ELP2: variants seen among roughly 807,000 people sequenced by gnomAD.
ELP2 encodes the protein elongator complex protein 2.
A neutral mutation model predicts 119.2 loss-of-function variants in ELP2; 90 were observed. The observed-to-expected ratio is 0.75, with a 90% CI of 0.64 to 0.90. The LOEUF is 0.90. ELP2 is among the 40% of genes least tolerant of loss of function. The pLI, the probability that ELP2 is intolerant of heterozygous loss-of-function variation, is 0.00. For missense variants in ELP2, 921 were observed against 967.8 expected (o/e 0.95, Z 0.64); for synonymous variants, 339 against 331.0 (o/e 1.02, Z -0.26).
At position 36,159,701 on chromosome 18, in the gene ELP2, G is replaced by A. The variant is rs146436957; in HGVS notation, c.1535-34G>A. On this transcript the variant is annotated intron_variant, in intron 14 of 21. Transcript: ENST00000358232. ...GACAAGTGAAGGAGATATAAAAATA[G>A]TGACTATATTCTTGATGTGTTTCTT... 7.9e-4 allele frequency: 1,168 copies of A among 1,480,686 alleles called. 10 individuals carry two copies. The African/African-American group carries it at 0.013, about 17-fold the overall frequency. 91.7% of individuals were successfully genotyped at this position (1,480,686 alleles called of 1,614,324 possible).
At chr18:36,140,540 T>G (rs2089984666) in intron 5 of ELP2, among the ~76,000 whole-genome samples, 1 of 151,916 alleles carries the variant, frequency 6.6e-6, no homozygotes, top group Non-Finnish European at 1.5e-5. Context: ...AGAGACAAGG[T>G]TTTGTCATGT....
chr18:36,155,496 G>A (rs960673348), intron 12 of ELP2, among the ~76,000 whole-genome samples: 1 of 152,222 alleles, frequency 6.6e-6, no homozygotes, highest in Non-Finnish European at 1.5e-5. Flanking sequence ...AGGATGCAGA[G>A]CAACTGGAAC....
chr18:36,144,057 T>C (rs2094386491), intron 8 of ELP2, among the ~76,000 whole-genome samples: 1 of 152,144 alleles, frequency 6.6e-6, no homozygotes. Flanking sequence ...GATGTGACAG[T>C]TATAAAGGTA....
At chr18:36,130,959 G>C (rs2089595918) in intron 1 of ELP2, among the ~76,000 whole-genome samples, 1 of 152,046 alleles carries the variant, frequency 6.6e-6, no homozygotes, top group Non-Finnish European at 1.5e-5. Flanking sequence ...CTTGAGTCCA[G>C]GAGTTGGAGA....
At chr18:36,158,444 G>C (rs2090634464) in intron 13 of ELP2, 1 of 182,700 alleles carries the variant, frequency 5.5e-6, no homozygotes, top group Non-Finnish European at 1.2e-5. Context: ...AGCATCATCA[G>C]GGGATGTGCC....
intron 3 of ELP2, chr18:36,137,193 T>A (rs2089857361): frequency 6.6e-6 from 1 of 152,190 alleles, no homozygotes. Flanking sequence ...TGAGGTGAGA[T>A]CTGGCTGTGT....
In ELP2 at chr18:36,129,955, A is replaced by G. The variant is rs775350049; in HGVS notation, c.22A>G (p.Thr8Ala). 1.3e-5 allele frequency: 21 copies of G among 1,613,908 alleles called. No homozygotes were observed. The highest frequency in any genetic ancestry group is 1.7e-5 in the Non-Finnish European group (20 of 1,179,994). Residue 8 changes from threonine (T) to alanine (A), a missense_variant, in exon 1 of 22, where the codon ACT becomes GCT. Physicochemically the swap from Thr to Ala is moderately conservative, Grantham distance 58 (BLOSUM62 0). Transcript: ENST00000358232. ...CGACATGGTGGCACCCGTGCTGGAGACTTCTCACGTGTTTTGCTGCCCAAA... is the reference window on the plus strand; with the variant it reads ...CGACATGGTGGCACCCGTGCTGGAGGCTTCTCACGTGTTTTGCTGCCCAAA... MVAPVLETSHVFCCPNRV... is the reference protein window; with the variant it reads MVAPVLEASHVFCCPNRV...
At chr18:36,169,931 C>A in intron 19 of ELP2, 132 bp from the exon 20 acceptor site, 1 of 1,182,060 alleles carries the variant, frequency 8.5e-7, no homozygotes, top group Non-Finnish European at 1.2e-6. Context: ...GCACACCATA[C>A]ACGAATGTAA....
chr18:36,153,303 A>G (rs1199017544), intron 11 of ELP2, among the ~76,000 whole-genome samples: 1 of 152,132 alleles, frequency 6.6e-6, no homozygotes, highest in East Asian at 1.9e-4. Context: ...GCTTCATACC[A>G]TTGGTGAGCA....
chr18:36,138,690 C>G, intron 4 of ELP2, 105 bp from the exon 5 acceptor site: 1 of 1,020,516 alleles, frequency 9.8e-7, no homozygotes, highest in East Asian at 2.4e-5. Context: ...TGACTTCTCT[C>G]ATCTCCCTTC....
intron 5 of ELP2, chr18:36,139,291 C>T: frequency 1.2e-6 from 1 of 850,096 alleles, no homozygotes; most frequent in Non-Finnish European, 1.8e-6. Flanking sequence ...ACATTTTGCC[C>T]AAGACCACTT....
Position 36,164,490 on chromosome 18 carries a change from C to A in ELP2, c.1777C>A (p.His593Asn). Residue 593 changes from histidine (H) to asparagine (N), a missense_variant, in exon 18 of 22, where the codon CAT becomes AAT. Coordinates refer to ENST00000358232, the MANE Select transcript of ELP2 (RefSeq NM_018255.4). Reference protein sequence around the residue: ...ASACKAAKKEHAAIILWNTTS... With the variant: ...ASACKAAKKENAAIILWNTTS... The stretch of plus-strand genomic sequence containing the variant: ...TGTCCTATAGGCAGCTAAGAAAGAG[C>A]ATGCAGCTATCATTCTTTGGAACAC... The A allele has an allele frequency of 6.2e-7, 1 of 1,613,940 alleles. No individual in the cohort carries two copies.
chr18:36,162,889 T>C (rs1164921946), intron 17 of ELP2, among the ~76,000 whole-genome samples: 1 of 152,208 alleles, frequency 6.6e-6, no homozygotes, highest in African/African-American at 2.4e-5. Context: ...ATTTATTAGA[T>C]TGTTTTCTTA....
Position 36,142,362 on chromosome 18 carries a change from T to C in ELP2, c.655+15T>C. The C allele has an allele frequency of 6.2e-7, 1 of 1,609,362 alleles. No homozygotes were observed. The highest frequency in any genetic ancestry group is 8.5e-7 in the Non-Finnish European group (1 of 1,175,674). The stretch of plus-strand genomic sequence containing the variant: ...GGCAGCCTTTGGTCAGTATGAAATT[T>C]TGCTAATGCACATACAATGGGAACA... On this transcript the variant is annotated intron_variant, in intron 7 of 21. Transcript: ENST00000358232.
At chr18:36,144,058 T>TA (rs1188839371) in intron 8 of ELP2, among the ~76,000 whole-genome samples, 1 of 152,134 alleles carries the variant, frequency 6.6e-6, no homozygotes, top group African/African-American at 2.4e-5. Flanking sequence ...ATGTGACAGT[T>TA]ATAAAGGTAG....
intron 2 of ELP2, among the ~76,000 whole-genome samples, chr18:36,134,313 G>C (rs2089749527): frequency 6.6e-6 from 1 of 152,152 alleles, no homozygotes. Flanking sequence ...TCATTGTCAT[G>C]AATGTACAGT....
intron 21 of ELP2, among the ~76,000 whole-genome samples, chr18:36,173,913 A>G (rs764850251): frequency 2.6e-5 from 4 of 152,110 alleles, no homozygotes; most frequent in Non-Finnish European, 5.9e-5. Flanking sequence ...CTGGGGAGGT[A>G]GGGGGTAGGG....
At chr18:36,171,252 A>G in intron 21 of ELP2, 92 bp downstream of exon 21, 1 of 825,252 alleles carries the variant, frequency 1.2e-6, no homozygotes, top group Non-Finnish European at 2.1e-6. Flanking sequence ...ATGGAGAGGG[A>G]CATATATCTG....
At chr18:36,168,779 C>T (rs1030125247) in intron 19 of ELP2, among the ~76,000 whole-genome samples, 6 of 152,252 alleles carry the variant, frequency 3.9e-5, no homozygotes, top group Middle Eastern at 3.4e-3. Flanking sequence ...GGTCAGGGAT[C>T]CAGCAGACAA....
Sources: allele counts gnomAD v4.1 joint callset (sites outside exome capture counted in the v4.1 genomes callset), GRCh38; gene constraint gnomAD v4.1.1; transcripts MANE v1.5; gene names NCBI Gene and HGNC (gene_info 2026-07-23, HGNC 2026-07-21).